The following KDR variants were observed in gnomAD, a reference collection of about 807,000 sequenced individuals.
KDR encodes kinase insert domain receptor, also known as vascular endothelial growth factor receptor 2.
Under a neutral mutation model 160.9 loss-of-function variants are expected in KDR, and 43 were observed. That is an observed-to-expected ratio of 0.27 (90% CI 0.21 to 0.34). The LOEUF is 0.34. Among genes scored for constraint, KDR ranks in the 10% least tolerant of loss-of-function variants. The probability of loss-of-function intolerance (pLI) is 1.00; values close to 1 mark genes in which losing one functional copy is unlikely to be tolerated. For missense variants in KDR, 1,469 were observed against 1,666.4 expected, an observed-to-expected ratio of 0.88 and a Z score of 2.06; for synonymous variants, 617 against 600.1, an observed-to-expected ratio of 1.03 and a Z score of -0.41.
intron 17 of KDR, 90 bp from the exon 18 acceptor site, chr4:55,097,856 C>A: frequency 1.1e-6 from 1 of 929,528 alleles, no homozygotes; most frequent in Non-Finnish European, 1.7e-6. Context: ...GATAGGGTGA[C>A]CATACATCCC....
Position 55,082,031 on chromosome 4 carries a change from G to A in KDR, c.3773C>T (p.Thr1258Met), listed in dbSNP as rs147627339. Residue 1258 changes from threonine (T) to methionine (M), a missense_variant, in exon 29 of 30, where the codon ACG becomes ATG. Coordinates refer to ENST00000263923, the MANE Select transcript of KDR (RefSeq NM_002253.4). ...EVKVIPDDNQ[T>M]DSGMVLASEE... is the part of the protein sequence containing the mutation. Reference sequence around the variant, plus strand: ...TGAGGCAAGAACCATACCACTGTCCGTCTGGTTGTCCTTTTTAAGAGACAA... The same window carrying A: ...TGAGGCAAGAACCATACCACTGTCCATCTGGTTGTCCTTTTTAAGAGACAA... 2.4e-5 allele frequency: 38 copies of A among 1,612,430 alleles called. No homozygotes were observed. Among genetic ancestry groups the A allele is most frequent in the Admixed American group, 1.0e-4 (6 of 60,020 alleles).
Position 55,104,731 on chromosome 4 carries a change from G to T in KDR, c.1899C>A (p.Ser633=), listed in dbSNP as rs765539454. 1 of 1,613,844 alleles carries T rather than the reference G, an allele frequency of 6.2e-7. No individual in the cohort carries two copies. The highest frequency in any genetic ancestry group is 1.1e-5 in the South Asian group (1 of 91,074). ...DILIMELKNA[S]LQDQGDYVCL... ...AGACATAGTCTCCTTGGTCCTGCAA[G>T]GATGCATTCTTAAGCTCCATGATCA... is the stretch of plus-strand genomic sequence containing the variant. Residue 633 remains serine, a synonymous_variant, in exon 13 of 30, where the codon TCC becomes TCA. Transcript: ENST00000263923.
intron 1 of KDR, among the ~76,000 whole-genome samples, chr4:55,123,732 T>A (rs1720955087): frequency 6.6e-6 from 1 of 152,216 alleles, no homozygotes; most frequent in South Asian, 2.1e-4. Flanking sequence ...AAAGCCCTTC[T>A]ATGTTCAAAT....
chr4:55,094,895 T>G lies in KDR; in HGVS notation c.2878A>C (p.Lys960Gln). ...CTGGTGATGCTGTCCAAGCGCCGTT[T>G]CAGATCCACAGGGATTGCTCCAACG... ...DYVGAIPVDLKRRLDSITSSQ... is the reference protein window; with the variant it reads ...DYVGAIPVDLQRRLDSITSSQ... The change falls in exon 21 of 30, where the codon AAA becomes CAA. Residue 960 changes from lysine (K) to glutamine (Q), a missense_variant. Physicochemically the swap from Lys to Gln is moderately conservative, Grantham distance 53. Transcript: ENST00000263923. 6.2e-7 allele frequency: 1 copy of G among 1,614,008 alleles called. No homozygotes were observed. The highest frequency in any genetic ancestry group is 2.2e-5 in the East Asian group (1 of 44,858).
chr4:55,085,019 A>G (rs754963779), intron 27 of KDR, among the ~76,000 whole-genome samples: 3 of 152,238 alleles, frequency 2.0e-5, no homozygotes, highest in Non-Finnish European at 4.4e-5. Context: ...TAACAATTAC[A>G]AAATGAAGAA....
At chr4:55,124,889 A>G (rs1237596219) in intron 1 of KDR, among the ~76,000 whole-genome samples, 2 of 152,080 alleles carry the variant, frequency 1.3e-5, no homozygotes, top group African/African-American at 4.8e-5. Flanking sequence ...TCGCCTGCGG[A>G]GGCACCTCCT....
rs762221907 is a variant in KDR, at chr4:55,107,812, G to A, written c.1337C>T (p.Thr446Met). ...ATGCGGGGGAGGAATGGCATAGACC[G>A]TACATGTCAGCGTTTGAGTGGTGCC... is the stretch of plus-strand genomic sequence containing the variant. ...QYGTTQTLTC[T>M]VYAIPPPHHI... The change falls in exon 10 of 30, where the codon ACG (threonine) becomes ATG (methionine). Residue 446 changes from threonine to methionine, a missense_variant. This residue lies in a region of KDR where 792 missense variants were observed against 840.9 expected (regional missense o/e 0.94). Coordinates refer to ENST00000263923, the MANE Select transcript of KDR (RefSeq NM_002253.4). 13 of 1,613,802 alleles carry A rather than the reference G, an allele frequency of 8.1e-6. No homozygotes were observed. The highest frequency in any genetic ancestry group is 3.3e-5 in the Admixed American group (2 of 59,974).
intron 3 of KDR, 38 bp downstream of exon 3, chr4:55,118,566 A>G: frequency 6.6e-7 from 1 of 1,505,578 alleles, no homozygotes; most frequent in Non-Finnish European, 9.3e-7. Flanking sequence ...TATAACTGGT[A>G]AAGAGACGTG....
intron 1 of KDR, among the ~76,000 whole-genome samples, chr4:55,123,540 C>CA (rs1720950954): frequency 6.6e-6 from 1 of 152,182 alleles, no homozygotes; most frequent in Non-Finnish European, 1.5e-5. Flanking sequence ...ACGTTTACAA[C>CA]AAAAATCTAT....
intron 13 of KDR, among the ~76,000 whole-genome samples, chr4:55,104,023 C>T (rs565627208): frequency 2.0e-4 from 30 of 152,284 alleles, no homozygotes; most frequent in Middle Eastern, 3.4e-3. Flanking sequence ...CCTTGGGCTA[C>T]GCTGGATCAT....
At chr4:55,081,045 A>C (rs1177755567) in intron 29 of KDR, among the ~76,000 whole-genome samples, 1 of 152,276 alleles carries the variant, frequency 6.6e-6, no homozygotes, top group Non-Finnish European at 1.5e-5. Context: ...AAGCAATGGC[A>C]TGGTGCTCTG....
At chr4:55,091,154 A>G (rs891697773) in intron 22 of KDR, among the ~76,000 whole-genome samples, 6 of 152,298 alleles carry the variant, frequency 3.9e-5, no homozygotes, top group Admixed American at 1.3e-4. Context: ...CACCTGGCCA[A>G]AAGGAGAATT....
intron 22 of KDR, among the ~76,000 whole-genome samples, chr4:55,091,236 A>C (rs1720004916): frequency 6.6e-6 from 1 of 152,048 alleles, no homozygotes; most frequent in Non-Finnish European, 1.5e-5. Flanking sequence ...TCTGTATGGC[A>C]CTCTCCTCTG....
intron 3 of KDR, among the ~76,000 whole-genome samples, chr4:55,117,809 C>T (rs1208683503): frequency 6.6e-6 from 1 of 152,214 alleles, no homozygotes; most frequent in Admixed American, 6.5e-5. Context: ...GCAGCCCTTA[C>T]ATTCCTTAAA....
chr4:55,088,012 G>A (rs1227298576), intron 26 of KDR, among the ~76,000 whole-genome samples: 1 of 152,170 alleles, frequency 6.6e-6, no homozygotes, highest in Non-Finnish European at 1.5e-5. Context: ...ACAATGAAGA[G>A]AAAGCAGGCT....
Position 55,079,042 on chromosome 4 carries a change from G to C in KDR, c.*899C>G, listed in dbSNP as rs1258120526. ...TTCAGTCTCAGACATATCACATCAGGACAGATATGAGGGTATTCATTCCAG... is the reference window on the plus strand; with the variant it reads ...TTCAGTCTCAGACATATCACATCAGCACAGATATGAGGGTATTCATTCCAG... On this transcript the variant is annotated 3_prime_UTR_variant, in exon 30 of 30. Coordinates refer to ENST00000263923, the MANE Select transcript of KDR (RefSeq NM_002253.4). 4.3e-6 allele frequency: 1 copy of C among 233,142 alleles called. No homozygotes were observed. Among genetic ancestry groups the C allele is most frequent in the African/African-American group, 2.2e-5 (1 of 45,322 alleles). The allele number at this position is 233,142 out of a possible 1,614,324, so 14.4% of individuals were successfully genotyped here.
intron 16 of KDR, 24 bp from the exon 17 acceptor site, chr4:55,098,296 T>C (rs1461688010): frequency 6.2e-7 from 1 of 1,613,214 alleles, no homozygotes; most frequent in East Asian, 2.2e-5. Context: ...ATCCTTCCAG[T>C]CATAAACACA....
At position 55,080,156 on chromosome 4, in the gene KDR, C is replaced by T. The variant is rs188653929; in HGVS notation, c.3856G>A (p.Val1286Met). ...ACAGACTCCCTGCTTTTGCTGGGCACCATTCCACTGCAGAAGAAATGGCAA... is the reference window on the plus strand; with the variant it reads ...ACAGACTCCCTGCTTTTGCTGGGCATCATTCCACTGCAGAAGAAATGGCAA... Reference protein sequence around the residue: ...TKLSPSFGGMVPSKSRESVAS... With the variant: ...TKLSPSFGGMMPSKSRESVAS... Residue 1286 changes from valine to methionine, a missense_variant, in exon 30 of 30, where the codon GTG becomes ATG. Val to Met is a conservative substitution (Grantham distance 21). This residue lies in a region of KDR where 229 missense variants were observed against 197.8 expected (regional missense o/e 1.16). Coordinates refer to ENST00000263923, the MANE Select transcript of KDR (RefSeq NM_002253.4). 5.6e-6 allele frequency: 9 copies of T among 1,612,874 alleles called. No individual in the cohort carries two copies. Among genetic ancestry groups the T allele is most frequent in the Non-Finnish European group, 6.8e-6 (8 of 1,179,876 alleles).
rs747128649 is a variant in KDR at position 55,105,869 on chromosome 4, G to A, written c.1608C>T (p.Val536=). ...ALYKCEAVNK[V]GRGERVISFH... The stretch of plus-strand genomic sequence containing the variant: ...AGGAGATCACCCTCTCTCCTCTCCC[G>A]ACTTTGTTGACCGCTTCACATTTGT... The change falls in exon 12 of 30, where the codon GTC becomes GTT. Residue 536 remains valine (V), a synonymous_variant. Coordinates refer to ENST00000263923, the MANE Select transcript of KDR (RefSeq NM_002253.4). 23 of 1,613,160 alleles carry A rather than the reference G, an allele frequency of 1.4e-5. No homozygotes were observed. Among genetic ancestry groups the A allele is most frequent in the South Asian group, 2.2e-5 (2 of 91,042 alleles).
Sources: allele counts gnomAD v4.1 joint callset (sites outside exome capture counted in the v4.1 genomes callset), GRCh38; gene constraint gnomAD v4.1.1; regional missense constraint gnomAD v4.1.1; transcripts MANE v1.5; gene names NCBI Gene and HGNC (gene_info 2026-07-23, HGNC 2026-07-21).